ANO3: variants seen among roughly 807,000 people sequenced by gnomAD.
ANO3 encodes the protein anoctamin 3.
In ANO3, 99 loss-of-function variants were observed where a neutral mutation model predicts 144.8. The ratio of observed to expected loss-of-function variants is 0.68; its 90% CI spans 0.58 to 0.81. The LOEUF (loss-of-function observed/expected upper bound fraction) is 0.81. Among genes scored for constraint, ANO3 ranks in the 30% least tolerant of loss-of-function variants. The pLI is 0.00. For synonymous variants in ANO3, 414 were observed against 392.6 expected, an observed-to-expected ratio of 1.05 and a Z score of -0.64; for missense variants, 905 against 1,202.2, an observed-to-expected ratio of 0.75 and a Z score of 3.66.
chr11:26,374,728 T>C (rs1434739599), intron 1 of ANO3, among the ~76,000 whole-genome samples: 1 of 152,116 alleles, frequency 6.6e-6, no homozygotes, highest in Admixed American at 6.6e-5. Flanking sequence ...GTGCATTACA[T>C]TTATTGTGCA....
At chr11:26,404,389 A>C (rs926965707) in intron 1 of ANO3, among the ~76,000 whole-genome samples, 4 of 151,814 alleles carry the variant, frequency 2.6e-5, no homozygotes, top group African/African-American at 4.8e-5. Context: ...AAGTCTAATC[A>C]CTTTGGAAAA....
In ANO3 at chr11:26,649,610, G is replaced by C. The variant is rs558409987; in HGVS notation, c.2576+1754G>C. ...AAATTAGCTGGGCGTGGTGGCGGGC[G>C]CCTGTAATCCCAGCTACTCGGGTGG... On this transcript the variant is annotated intron_variant, in intron 24 of 26. Transcript: ENST00000256737. Among the ~76,000 whole-genome samples, 4 of 152,120 alleles carry C rather than the reference G, an allele frequency of 2.6e-5. No homozygotes were observed. The South Asian group carries it at 8.3e-4, about 32-fold the overall frequency.
rs759722183 is a variant in ANO3, at chr11:26,660,444, G to A, written c.2946G>A (p.Ter982=). ...SGQPVHHEWP[*] is the part of the protein sequence containing the mutation. ...AGCCTGTTCACCATGAATGGCCTTA[G>A]TTGACACCTGTTACCCATTAGGGGT... is the stretch of plus-strand genomic sequence containing the variant. The change falls in exon 27 of 27, where the codon TAG becomes TAA. Residue 982 remains the stop codon, a stop_retained_variant. Transcript: ENST00000256737. 1.2e-6 allele frequency: 2 copies of A among 1,610,404 alleles called. No individual in the cohort carries two copies. The highest frequency in any genetic ancestry group is 1.1e-5 in the South Asian group (1 of 90,250).
chr11:26,565,530 G>A, intron 14 of ANO3: 3 of 1,613,404 alleles, frequency 1.9e-6, no homozygotes, highest in Non-Finnish European at 2.5e-6. Flanking sequence ...GATCAAGGGA[G>A]GGCTTGTGGA....
At chr11:26,266,872 G>C (rs753897514) in intron 1 of ANO3, among the ~76,000 whole-genome samples, 20 of 151,400 alleles carry the variant, frequency 1.3e-4, no homozygotes, top group Admixed American at 9.8e-4. Flanking sequence ...ACGAGGTCAG[G>C]AGATCGAGAC....
rs200375542 is a variant in ANO3 at position 26,313,463 on chromosome 11, G to A, written c.-3+3744G>A. Among the ~76,000 whole-genome samples, 4 of 152,228 alleles carry A rather than the reference G, an allele frequency of 2.6e-5. No individual in the cohort carries two copies. The East Asian group carries it at 5.8e-4, about 22-fold the overall frequency. ...GCACTTTGGGAGGCTGAGGCAGGTG[G>A]ATCATGAGGTCAAGAGCTCGAGACC... On this transcript the variant is annotated intron_variant, in intron 1 of 26. Transcript: ENST00000525139.
chr11:26,261,855 A>T (rs1853197120), intron 1 of ANO3, among the ~76,000 whole-genome samples: 1 of 152,232 alleles, frequency 6.6e-6, no homozygotes. Flanking sequence ...AAACGTTTGA[A>T]TTAGGATTCA....
intron 14 of ANO3, 94 bp from the exon 15 acceptor site, chr11:26,598,271 T>C: frequency 1.8e-6 from 1 of 546,690 alleles, no homozygotes; most frequent in Non-Finnish European, 2.9e-6. Context: ...TTTTCATAAT[T>C]TAATTTTAAT....
intron 1 of ANO3, among the ~76,000 whole-genome samples, chr11:26,299,297 A>T (rs1202533961): frequency 6.6e-6 from 1 of 152,230 alleles, no homozygotes; most frequent in Non-Finnish European, 1.5e-5. Context: ...GCATGCCCCT[A>T]ATATATCAAA....
chr11:26,432,917 G>GT (rs1342001035), intron 1 of ANO3, among the ~76,000 whole-genome samples: 3 of 152,106 alleles, frequency 2.0e-5, no homozygotes, highest in Non-Finnish European at 2.9e-5. Flanking sequence ...TTTTAAAATA[G>GT]TTTTTTTCTA....
chr11:26,441,123 T>TTTTG lies in ANO3; in HGVS notation c.47-792_47-791insGTTT, dbSNP rs577979010. Among the ~76,000 whole-genome samples the TTTTG allele has an allele frequency of 7.4e-4, 92 of 123,638 alleles. 5 individuals carry two copies. The highest frequency in any genetic ancestry group is 4.3e-3 in the South Asian group (14 of 3,222). The allele number at this position is 123,638 out of a possible 152,430, so 81.1% of individuals were successfully genotyped here. ...GCTGCCCAGTTTTTTTTTTTTTTTT[T>TTTTG]TTTTTTTTTTTTGAGACGGAGTCTC... On this transcript the variant is annotated intron_variant, in intron 1 of 26. Transcript: ENST00000256737.
intron 4 of ANO3, among the ~76,000 whole-genome samples, chr11:26,507,193 C>T (rs1861468513): frequency 6.6e-6 from 1 of 152,088 alleles, no homozygotes; most frequent in Admixed American, 6.5e-5. Context: ...ATGTGTTGAT[C>T]AATAAAGCTG....
chr11:26,443,534 G>A (rs1325585977), intron 2 of ANO3, among the ~76,000 whole-genome samples: 5 of 152,104 alleles, frequency 3.3e-5, no homozygotes, highest in Admixed American at 3.3e-4. Context: ...CCCGGGAGGC[G>A]GAGGTTGCAG....
intron 1 of ANO3, among the ~76,000 whole-genome samples, chr11:26,261,076 T>C (rs185768706): frequency 2.6e-5 from 4 of 152,202 alleles, no homozygotes; most frequent in African/African-American, 9.6e-5. Context: ...ATAATCTTCA[T>C]GAACAAACAT....
intron 1 of ANO3, among the ~76,000 whole-genome samples, chr11:26,389,790 G>T (rs1210344116): frequency 3.3e-5 from 5 of 151,980 alleles, no homozygotes; most frequent in Admixed American, 6.6e-5. Flanking sequence ...TTGAATAAAA[G>T]ATTCTAAGGA....
chr11:26,495,069 A>G (rs1359423608), intron 4 of ANO3, among the ~76,000 whole-genome samples: 2 of 142,324 alleles, frequency 1.4e-5, no homozygotes, highest in Non-Finnish European at 3.0e-5. Context: ...TTTTATAAAT[A>G]TCTACATTTA....
intron 4 of ANO3, among the ~76,000 whole-genome samples, chr11:26,485,367 T>A (rs576689058): frequency 1.0e-4 from 15 of 149,336 alleles, no homozygotes; most frequent in African/African-American, 3.4e-4. Flanking sequence ...GGTCTGGTTT[T>A]AAAAAAAAAA....
chr11:26,237,479 T>G (rs1307784754), intron 1 of ANO3, among the ~76,000 whole-genome samples: 9 of 151,944 alleles, frequency 5.9e-5, no homozygotes. Context: ...ACATATTTTA[T>G]GTAATTTCAC....
chr11:26,596,520 C>T (rs1204908963), intron 14 of ANO3, among the ~76,000 whole-genome samples: 1 of 152,156 alleles, frequency 6.6e-6, no homozygotes, highest in African/African-American at 2.4e-5. Context: ...AGCTGTATGC[C>T]TGAATTGGGA....
Sources: gnomAD v4.1 joint callset for allele counts (sites outside exome capture counted in the v4.1 genomes callset) on GRCh38, gnomAD v4.1.1 for gene constraint, MANE v1.5 for transcripts, NCBI Gene and HGNC (gene_info 2026-07-23, HGNC 2026-07-21) for gene names.